The following LRP1B variants were observed in gnomAD, a reference collection of about 807,000 sequenced individuals.
LRP1B encodes the protein LDL receptor related protein 1B, also known as low-density lipoprotein receptor-related protein 1B.
LRP1B carries 217 observed loss-of-function variants against 556.6 expected under a neutral mutation model. The ratio of observed to expected loss-of-function variants is 0.39; its 90% CI spans 0.35 to 0.44. The LOEUF (loss-of-function observed/expected upper bound fraction) is 0.44, where lower values mean the gene tolerates loss of function less well. Ranked by LOEUF, LRP1B falls within the 20% of genes least tolerant of loss-of-function variation. LRP1B has a pLI of 1.00. For missense variants in LRP1B, 5,053 were observed against 5,620.8 expected (o/e 0.90, Z 3.23); for synonymous variants, 2,047 against 1,865.8 (o/e 1.10, Z -2.50).
rs2105327663 is a variant in LRP1B at position 141,247,330 on chromosome 2, C to G, written c.488G>C (p.Gly163Ala). Residue 163 changes from glycine to alanine, a missense_variant, in exon 5 of 91, where the codon GGT becomes GCT. Around this residue, in one of 5 missense-constraint regions of LRP1B, gnomAD observed 3,619 missense variants for 3,931.9 expected, o/e 0.92. Transcript: ENST00000389484. ...GTTTCTGCAGGTCTGGCTGCATGTA[C>G]CATAAACAGCACATTCATCTTGATC... is the stretch of plus-strand genomic sequence containing the variant. ...CKDQDECAVYGTCSQTCRNTH... is the reference protein window; with the variant it reads ...CKDQDECAVYATCSQTCRNTH... 6.2e-7 allele frequency: 1 copy of G among 1,613,722 alleles called. No individual in the cohort carries two copies. Among genetic ancestry groups the G allele is most frequent in the Non-Finnish European group, 8.5e-7 (1 of 1,179,744 alleles).
At chr2:141,201,931 G>A (rs1181591655) in intron 6 of LRP1B, among the ~76,000 whole-genome samples, 2 of 152,148 alleles carry the variant, frequency 1.3e-5, no homozygotes, top group East Asian at 3.9e-4. Context: ...CTTCATCCAT[G>A]TTTCCATTGA....
intron 27 of LRP1B, among the ~76,000 whole-genome samples, chr2:140,854,049 C>T (rs537650112): frequency 2.1e-5 from 3 of 141,168 alleles, no homozygotes; most frequent in South Asian, 2.2e-4. Flanking sequence ...TCAAATTCCC[C>T]CATATCTGAA....
rs979033919 is a variant in LRP1B, at chr2:141,362,388, C to T, written c.344-107747G>A. On this transcript the variant is annotated intron_variant, in intron 3 of 90. Coordinates refer to ENST00000389484, the MANE Select transcript of LRP1B (RefSeq NM_018557.3). Reference sequence around the variant, plus strand: ...ACAGGTGCATGGGGCAATAGGAGGGCATCTGCAAGTAGCCAGCAGATGGGC... The same window carrying T: ...ACAGGTGCATGGGGCAATAGGAGGGTATCTGCAAGTAGCCAGCAGATGGGC... Among the ~76,000 whole-genome samples the T allele has an allele frequency of 5.3e-5, 8 of 152,260 alleles. No individual in the cohort carries two copies. In the South Asian group the frequency reaches 1.7e-3, roughly 32 times the overall value.
At chr2:141,890,255 T>C (rs1323077345) in intron 1 of LRP1B, among the ~76,000 whole-genome samples, 1 of 149,872 alleles carries the variant, frequency 6.7e-6, no homozygotes, top group Admixed American at 6.7e-5. Flanking sequence ...ATCAGCATTG[T>C]TGTCTACGTT....
chr2:141,531,411 C>A (rs1684867289), intron 2 of LRP1B, among the ~76,000 whole-genome samples: 3 of 152,144 alleles, frequency 2.0e-5, no homozygotes, highest in African/African-American at 7.2e-5. Flanking sequence ...TCAATATCTC[C>A]TTTTCAAATT....
chr2:141,743,766 C>A (rs1439728087), intron 2 of LRP1B, among the ~76,000 whole-genome samples: 1 of 151,906 alleles, frequency 6.6e-6, no homozygotes, highest in African/African-American at 2.4e-5. Context: ...TGCATTTTTT[C>A]TAGATTTCTC....
At chr2:140,614,517 T>A (rs1683191149) in intron 41 of LRP1B, among the ~76,000 whole-genome samples, 1 of 152,280 alleles carries the variant, frequency 6.6e-6, no homozygotes, top group African/African-American at 2.4e-5. Flanking sequence ...AGATTGAATA[T>A]CTATTCTAAA....
chr2:141,094,773 G>A (rs1700254901), intron 7 of LRP1B, among the ~76,000 whole-genome samples: 1 of 152,138 alleles, frequency 6.6e-6, no homozygotes, highest in African/African-American at 2.4e-5. Context: ...GAAACTCAAG[G>A]AAGAATTTTA....
At chr2:142,120,122 T>TGTTC (rs1274506976) in intron 1 of LRP1B, among the ~76,000 whole-genome samples, 1 of 151,806 alleles carries the variant, frequency 6.6e-6, no homozygotes, top group Non-Finnish European at 1.5e-5. Context: ...TTTTTTTGTT[T>TGTTC]GTTTGTTTTT....
At chr2:140,450,453 A>G (rs1191888607) in intron 63 of LRP1B, 115 bp downstream of exon 63, 50 of 769,672 alleles carry the variant, frequency 6.5e-5, no homozygotes, top group Non-Finnish European at 1.1e-4. Context: ...AAATTTTTCT[A>G]TTTCAATTTT....
chr2:140,657,868 C>T (rs936637927), intron 41 of LRP1B, among the ~76,000 whole-genome samples: 2 of 151,582 alleles, frequency 1.3e-5, no homozygotes, highest in African/African-American at 2.4e-5. Flanking sequence ...CGAAGTAACC[C>T]GATGGTACAG....
At chr2:141,010,782 C>T (rs1697721440) in intron 14 of LRP1B, among the ~76,000 whole-genome samples, 2 of 151,938 alleles carry the variant, frequency 1.3e-5, no homozygotes, top group Non-Finnish European at 1.5e-5. Flanking sequence ...TGCCGAAGTG[C>T]TGGGATTACA....
chr2:141,060,280 A>T (rs1478554384), intron 8 of LRP1B, among the ~76,000 whole-genome samples: 1 of 151,720 alleles, frequency 6.6e-6, no homozygotes, highest in African/African-American at 2.4e-5. Context: ...TCGGACATAA[A>T]ATATAAGAAT....
At chr2:141,851,119 TTTA>T (rs3041313) in intron 1 of LRP1B, among the ~76,000 whole-genome samples, 116,732 of 151,222 alleles carry the variant, frequency 0.77, 45,263 homozygotes, top group Middle Eastern at 0.83. Flanking sequence ...GTTTTCAGTC[TTTA>T]TTATAAAGTT....
chr2:141,332,867 G>T (rs1425136990), intron 3 of LRP1B, among the ~76,000 whole-genome samples: 1 of 150,260 alleles, frequency 6.7e-6, no homozygotes, highest in African/African-American at 2.4e-5. Context: ...TCACAGTAAA[G>T]TCAGAGATTT....
At chr2:140,800,303 C>T (rs749414250) in intron 32 of LRP1B, among the ~76,000 whole-genome samples, 12 of 151,834 alleles carry the variant, frequency 7.9e-5, no homozygotes, top group African/African-American at 1.9e-4. Context: ...ATGTAAATGA[C>T]GAGTAAATGG....
intron 2 of LRP1B, among the ~76,000 whole-genome samples, chr2:141,714,946 A>C (rs1692521762): frequency 6.6e-6 from 1 of 152,174 alleles, no homozygotes; most frequent in Non-Finnish European, 1.5e-5. Flanking sequence ...AATAGAAAAA[A>C]AGATAAAGAT....
At chr2:140,960,310 GATTAT>G (rs1558764942) in intron 18 of LRP1B, among the ~76,000 whole-genome samples, 2 of 151,742 alleles carry the variant, frequency 1.3e-5, no homozygotes, top group African/African-American at 4.8e-5. Context: ...ATCAAGATAC[GATTAT>G]AAATGGTTTC....
At chr2:140,532,439 CA>C (rs1364232169) in intron 47 of LRP1B, among the ~76,000 whole-genome samples, 1 of 151,946 alleles carries the variant, frequency 6.6e-6, no homozygotes, top group Non-Finnish European at 1.5e-5. Context: ...ACTCTATCAC[CA>C]AGCTGGAGTG....
Sources: gnomAD v4.1 joint callset for allele counts (sites outside exome capture counted in the v4.1 genomes callset) on GRCh38, gnomAD v4.1.1 for gene constraint, gnomAD v4.1.1 regional missense constraint, MANE v1.5 for transcripts, NCBI Gene and HGNC (gene_info 2026-07-23, HGNC 2026-07-21) for gene names.